Variants in TLN2 observed in about 807,000 individuals in gnomAD.
TLN2 encodes talin 2.
Under a neutral mutation model 294.7 loss-of-function variants are expected in TLN2, and 118 were observed. The observed-to-expected ratio is 0.40, with a 90% CI of 0.34 to 0.47. The LOEUF is 0.47. Ranked by LOEUF, TLN2 falls within the 20% of genes least tolerant of loss-of-function variation. TLN2 has a pLI of 0.84. For synonymous variants in TLN2, 1,431 were observed against 1,304.5 expected (o/e 1.10, Z -2.09); for missense variants, 3,083 against 3,282.2 (o/e 0.94, Z 1.48).
intron 13 of TLN2, 22 bp from the exon 14 acceptor site, chr15:62,694,294 T>A (rs759853408): frequency 6.2e-7 from 1 of 1,613,610 alleles, no homozygotes; most frequent in Admixed American, 1.7e-5. Flanking sequence ...CATTTTTGCA[T>A]CTTGTTTTAT....
intron 1 of TLN2, among the ~76,000 whole-genome samples, chr15:62,501,625 A>G (rs1222401995): frequency 6.6e-6 from 1 of 152,188 alleles, no homozygotes; most frequent in African/African-American, 2.4e-5. Flanking sequence ...GAAGTGGCTG[A>G]CAAATATTTT....
At chr15:62,829,855 A>T (rs1327946893) in intron 54 of TLN2, 1 of 151,902 alleles carries the variant, frequency 6.6e-6, no homozygotes, top group Non-Finnish European at 1.5e-5. Context: ...AATTGTTTTG[A>T]TTTCTGGATC....
At chr15:62,493,531 G>A (rs2038859086) in intron 1 of TLN2, among the ~76,000 whole-genome samples, 1 of 152,050 alleles carries the variant, frequency 6.6e-6, no homozygotes, top group South Asian at 2.1e-4. Context: ...CTAAGCTTTC[G>A]TTACAAAAGG....
At chr15:62,703,789 T>C (rs2058883655) in intron 19 of TLN2, among the ~76,000 whole-genome samples, 1 of 152,100 alleles carries the variant, frequency 6.6e-6, no homozygotes, top group African/African-American at 2.4e-5. Context: ...GCTTGCCCTC[T>C]GGGGAGCGAC....
intron 1 of TLN2, among the ~76,000 whole-genome samples, chr15:62,587,554 T>C (rs2140721121): frequency 6.6e-6 from 1 of 152,336 alleles, no homozygotes; most frequent in African/African-American, 2.4e-5. Context: ...CAACATTGTT[T>C]TCAATGTCTA....
intron 47 of TLN2, 74 bp downstream of exon 47, chr15:62,796,367 C>T: frequency 6.7e-7 from 1 of 1,490,932 alleles, no homozygotes; most frequent in Non-Finnish European, 9.0e-7. Flanking sequence ...TTGGAGACGC[C>T]ACCTGGGAGC....
At chr15:62,704,810 GC>G (rs1428300369) in intron 19 of TLN2, among the ~76,000 whole-genome samples, 5 of 152,104 alleles carry the variant, frequency 3.3e-5, no homozygotes, top group Non-Finnish European at 5.9e-5. Flanking sequence ...TCCCCAAACT[GC>G]CCTTGCATTG....
intron 1 of TLN2, among the ~76,000 whole-genome samples, chr15:62,400,003 C>T (rs768797132): frequency 3.3e-5 from 5 of 152,160 alleles, no homozygotes; most frequent in African/African-American, 4.8e-5. Context: ...TGTGTCCTCA[C>T]GCAAAAATCT....
chr15:62,802,731 A>G (rs1452703350), intron 50 of TLN2, among the ~76,000 whole-genome samples: 2 of 152,176 alleles, frequency 1.3e-5, no homozygotes, highest in Admixed American at 6.5e-5. Context: ...CATCCCTGCC[A>G]GCATTTGTTA....
At chr15:62,446,007 A>G (rs1470566557) in intron 1 of TLN2, among the ~76,000 whole-genome samples, 1 of 147,372 alleles carries the variant, frequency 6.8e-6, no homozygotes, top group Non-Finnish European at 1.5e-5. Flanking sequence ...GTATAAATTT[A>G]TTTTTATTTT....
intron 12 of TLN2, chr15:62,690,173 C>G (rs1420507169): frequency 6.4e-6 from 1 of 156,354 alleles, no homozygotes; most frequent in African/African-American, 2.5e-5. Context: ...CCCTCCCGGA[C>G]GGGGTGGCTG....
intron 1 of TLN2, among the ~76,000 whole-genome samples, chr15:62,393,246 G>A (rs2032248296): frequency 6.6e-6 from 1 of 152,122 alleles, no homozygotes; most frequent in Non-Finnish European, 1.5e-5. Context: ...GTATTAGAGG[G>A]TCTCTCTTTT....
In TLN2 at chr15:62,712,005, G is replaced by A. The variant is rs144294145; in HGVS notation, c.2562G>A (p.Glu854=). The change falls in exon 22 of 59, where the codon GAG becomes GAA. Residue 854 remains glutamate (E), a synonymous_variant. Transcript: ENST00000636159. ...RSDAEAEIDM[E]NSKKLLAAAK... Reference sequence around the variant, plus strand: ...ATGCAGAAGCCGAAATCGACATGGAGAATTCAAAGAAGCTCCTGGCAGCAG... The same window carrying A: ...ATGCAGAAGCCGAAATCGACATGGAAAATTCAAAGAAGCTCCTGGCAGCAG... The A allele has an allele frequency of 1.2e-6, 2 of 1,614,202 alleles. No individual in the cohort carries two copies. Among genetic ancestry groups the A allele is most frequent in the East Asian group, 4.5e-5 (2 of 44,894 alleles).
At chr15:62,622,794 C>A (rs1277458604) in intron 3 of TLN2, among the ~76,000 whole-genome samples, 1 of 152,184 alleles carries the variant, frequency 6.6e-6, no homozygotes, top group Non-Finnish European at 1.5e-5. Context: ...CTTGGTCCTG[C>A]ACTGTGTCAT....
intron 3 of TLN2, among the ~76,000 whole-genome samples, chr15:62,641,374 T>G (rs889698229): frequency 1.3e-5 from 2 of 152,088 alleles, no homozygotes; most frequent in African/African-American, 4.8e-5. Context: ...CCCAGCACTT[T>G]GGGAGGCCAA....
rs569718438 is a variant in TLN2 at position 62,806,753 on chromosome 15, C to G, written c.6663+968C>G. On this transcript the variant is annotated intron_variant, in intron 51 of 58. Coordinates refer to ENST00000636159, the MANE Select transcript of TLN2 (RefSeq NM_015059.3). ...CCCCTTCTTGGGACAGCCTTGCCCCCAGGGACTCCGGCTTCTGCTCAGCAA... is the reference window on the plus strand; with the variant it reads ...CCCCTTCTTGGGACAGCCTTGCCCCGAGGGACTCCGGCTTCTGCTCAGCAA... Among the ~76,000 whole-genome samples the G allele has an allele frequency of 2.6e-5, 4 of 152,296 alleles. No homozygotes were observed. In the South Asian group the frequency reaches 8.3e-4, roughly 32 times the overall value.
chr15:62,792,018 G>A (rs2141116793), intron 45 of TLN2, among the ~76,000 whole-genome samples: 1 of 152,300 alleles, frequency 6.6e-6, no homozygotes, highest in Admixed American at 6.5e-5. Flanking sequence ...CTCTAAAAAT[G>A]TACCTTTTAA....
At chr15:62,576,867 C>T (rs558839501) in intron 1 of TLN2, among the ~76,000 whole-genome samples, 1 of 152,214 alleles carries the variant, frequency 6.6e-6, no homozygotes, top group African/African-American at 2.4e-5. Context: ...TCCTTGCTGT[C>T]CCGTGAGAGC....
chr15:62,611,824 C>T (rs2047939565), intron 2 of TLN2, among the ~76,000 whole-genome samples: 1 of 152,214 alleles, frequency 6.6e-6, no homozygotes, highest in African/African-American at 2.4e-5. Context: ...ACCTTTCCCC[C>T]CAGTCAGTTT....
Sources: allele counts gnomAD v4.1 joint callset (sites outside exome capture counted in the v4.1 genomes callset), GRCh38; gene constraint gnomAD v4.1.1; transcripts MANE v1.5; gene names NCBI Gene and HGNC (gene_info 2026-07-23, HGNC 2026-07-21).